AKAP13: variants seen among roughly 807,000 people sequenced by gnomAD.
AKAP13 encodes A-kinase anchor protein 13.
AKAP13 carries 80 observed loss-of-function variants against 264.5 expected under a neutral mutation model. The observed-to-expected ratio is 0.30, with a 90% CI of 0.25 to 0.36. The LOEUF (loss-of-function observed/expected upper bound fraction) is 0.36. AKAP13 is among the 10% of genes least tolerant of loss of function. The probability of loss-of-function intolerance (pLI) is 1.00; values close to 1 mark genes in which losing one functional copy is unlikely to be tolerated. For missense variants in AKAP13, 3,712 were observed against 3,435.2 expected (o/e 1.08, Z -2.01); for synonymous variants, 1,380 against 1,250.2 (o/e 1.10, Z -2.19).
intron 12 of AKAP13, among the ~76,000 whole-genome samples, chr15:85,661,490 G>A (rs538489333): frequency 1.3e-5 from 2 of 152,024 alleles, no homozygotes; most frequent in African/African-American, 4.8e-5. Context: ...AGGCTGAGGC[G>A]GGTGGATCAC....
intron 17 of AKAP13, among the ~76,000 whole-genome samples, chr15:85,694,041 T>C (rs1006130515): frequency 2.0e-5 from 3 of 152,252 alleles, no homozygotes; most frequent in Admixed American, 6.5e-5. Context: ...CTATGATCTC[T>C]AAACCACTGC....
chr15:85,745,109 C>T lies in AKAP13; in HGVS notation c.*432C>T, dbSNP rs891310181. ...CTTGATCTGTGTACGTACATGGGGA[C>T]CTGTCTGCATATACACACGGGGAAT... On this transcript the variant is annotated 3_prime_UTR_variant, in exon 37 of 37. Coordinates refer to ENST00000394518, the MANE Select transcript of AKAP13 (RefSeq NM_007200.5). 1 of 158,382 alleles carries T rather than the reference C, an allele frequency of 6.3e-6. No homozygotes were observed. The highest frequency in any genetic ancestry group is 1.4e-5 in the Non-Finnish European group (1 of 71,450). 9.8% of individuals were successfully genotyped at this position (158,382 alleles called of 1,614,324 possible).
chr15:85,694,508 A>G (rs1047495172), intron 17 of AKAP13, among the ~76,000 whole-genome samples: 1 of 152,260 alleles, frequency 6.6e-6, no homozygotes, highest in East Asian at 1.9e-4. Flanking sequence ...AATTTTTGTT[A>G]TGTAATAGTT....
At chr15:85,394,461 G>A (rs1402305690) in intron 1 of AKAP13, among the ~76,000 whole-genome samples, 1 of 152,240 alleles carries the variant, frequency 6.6e-6, no homozygotes, top group Non-Finnish European at 1.5e-5. Context: ...TTGAAGGCCA[G>A]GATGTTGTTG....
chr15:85,600,368 G>A (rs988422341), intron 8 of AKAP13, among the ~76,000 whole-genome samples: 5 of 149,726 alleles, frequency 3.3e-5, no homozygotes, highest in South Asian at 2.1e-4. Context: ...TCTGAAAAGC[G>A]TTTTATCACA....
In AKAP13 at chr15:85,581,724, C is replaced by G. The variant is rs770427711; in HGVS notation, c.3656C>G (p.Pro1219Arg). 3.1e-6 allele frequency: 5 copies of G among 1,614,148 alleles called. No homozygotes were observed. In the South Asian group the frequency reaches 5.5e-5, roughly 18 times the overall value. ...GGTGTGAGGGAAGTCATGCGAGCCC[C>G]GCCTTCAGGCAGGGAAAGGAGCACT... ...PAGVREVMRA[P>R]PSGRERSTPS... Residue 1219 changes from proline (P) to arginine (R), a missense_variant, in exon 7 of 37, where the codon CCG becomes CGG. This residue lies in a region of AKAP13 where 2,759 missense variants were observed against 2,411.7 expected (regional missense o/e 1.14). Transcript: ENST00000394518.
Position 85,579,545 on chromosome 15 carries a change from G to A in AKAP13, c.1477G>A (p.Val493Ile). The A allele has an allele frequency of 4.3e-6, 7 of 1,614,224 alleles. No individual in the cohort carries two copies. Among genetic ancestry groups the A allele is most frequent in the Non-Finnish European group, 5.9e-6 (7 of 1,180,046 alleles). Residue 493 changes from valine (V) to isoleucine (I), a missense_variant, in exon 7 of 37, where the codon GTT (valine) becomes ATT (isoleucine). This residue lies in a region of AKAP13 where 2,759 missense variants were observed against 2,411.7 expected (regional missense o/e 1.14). Transcript: ENST00000394518. ...TGGGCTCATGAACCCAGATGCCACT[G>A]TTTGGAAGAATGTGCTTCAGGGAGG... ...EHGLMNPDATVWKNVLQGGES... is the reference protein window; with the variant it reads ...EHGLMNPDATIWKNVLQGGES...
At chr15:85,674,589 G>A (rs2084114303) in intron 14 of AKAP13, among the ~76,000 whole-genome samples, 2 of 152,134 alleles carry the variant, frequency 1.3e-5, no homozygotes, top group African/African-American at 2.4e-5. Context: ...TGTTGTGATG[G>A]GAGTAGTAGC....
chr15:85,531,511 A>G (rs147053158), intron 3 of AKAP13, among the ~76,000 whole-genome samples: 2 of 152,326 alleles, frequency 1.3e-5, no homozygotes, highest in East Asian at 3.9e-4. Context: ...AAAATAGACA[A>G]ATCTTACTAA....
intron 11 of AKAP13, 119 bp from the exon 12 acceptor site, chr15:85,658,417 GC>G: frequency 1.3e-6 from 1 of 761,402 alleles, no homozygotes; most frequent in Non-Finnish European, 2.1e-6. Flanking sequence ...TCATTCTCTT[GC>G]CTGTGCCATT....
intron 1 of AKAP13, among the ~76,000 whole-genome samples, chr15:85,399,519 A>ATAAAAAAAAAAAAAT (rs1450087789): frequency 8.0e-6 from 1 of 124,578 alleles, no homozygotes. Flanking sequence ...AAAAAAAAAA[A>ATAAAAAAAAAAAAAT]AAATAAAAAA....
chr15:85,495,067 T>C (rs1310787342), intron 2 of AKAP13, among the ~76,000 whole-genome samples: 1 of 152,146 alleles, frequency 6.6e-6, no homozygotes, highest in Non-Finnish European at 1.5e-5. Context: ...TTTTGTGACT[T>C]TTGATATAGG....
chr15:85,522,022 T>C (rs1310864959), intron 3 of AKAP13, among the ~76,000 whole-genome samples: 1 of 152,182 alleles, frequency 6.6e-6, no homozygotes, highest in African/African-American at 2.4e-5. Flanking sequence ...TATCCTTCCT[T>C]GTAACCCACA....
intron 19 of AKAP13, 116 bp from the exon 20 acceptor site, chr15:85,715,672 C>T (rs1475483633): frequency 1.7e-6 from 2 of 1,190,336 alleles, no homozygotes; most frequent in African/African-American, 3.2e-5. Context: ...TATAAACTTA[C>T]AGTTCCAGGG....
At chr15:85,518,509 A>G (rs1053784629) in intron 2 of AKAP13, among the ~76,000 whole-genome samples, 8 of 152,202 alleles carry the variant, frequency 5.3e-5, no homozygotes, top group African/African-American at 1.7e-4. Flanking sequence ...GTGACTTAAT[A>G]TTAAAAACAA....
At chr15:85,506,767 G>T (rs1455890435) in intron 2 of AKAP13, among the ~76,000 whole-genome samples, 1 of 152,146 alleles carries the variant, frequency 6.6e-6, no homozygotes, top group Non-Finnish European at 1.5e-5. Context: ...CACCAACCAT[G>T]TACAGAAAGC....
chr15:85,403,151 CTA>C (rs1256880951), intron 1 of AKAP13, among the ~76,000 whole-genome samples: 1 of 151,716 alleles, frequency 6.6e-6, no homozygotes, highest in African/African-American at 2.4e-5. Flanking sequence ...ATGAAATAAG[CTA>C]TGTTTTCTTT....
rs144197696 is a variant in AKAP13 at position 85,576,171 on chromosome 15, A to C, written c.861+842A>C. ...ACACATTTCAGGTACAGAAATATGC[A>C]ACAACTAGAACTAAATTTCTGGCAT... On this transcript the variant is annotated intron_variant, in intron 6 of 36. Transcript: ENST00000394518. Among the ~76,000 whole-genome samples, 964 of 152,306 alleles carry C rather than the reference A, an allele frequency of 6.3e-3. 11 individuals are homozygous for C. Among genetic ancestry groups the C allele is most frequent in the African/African-American group, 0.022 (903 of 41,570 alleles).
intron 1 of AKAP13, among the ~76,000 whole-genome samples, chr15:85,484,849 T>C (rs2075480910): frequency 6.6e-6 from 1 of 152,216 alleles, no homozygotes; most frequent in Non-Finnish European, 1.5e-5. Flanking sequence ...TGAATGACAC[T>C]TTATACTGTT....
Sources: allele counts gnomAD v4.1 joint callset (sites outside exome capture counted in the v4.1 genomes callset), GRCh38; gene constraint gnomAD v4.1.1; regional missense constraint gnomAD v4.1.1; transcripts MANE v1.5; gene names NCBI Gene and HGNC (gene_info 2026-07-23, HGNC 2026-07-21).